The following ICE2 variants were observed in gnomAD, a reference collection of about 807,000 sequenced individuals.
The protein encoded by ICE2 is little elongation complex subunit 2.
Under a neutral mutation model 105.4 loss-of-function variants are expected in ICE2, and 87 were observed. The ratio of observed to expected loss-of-function variants is 0.83; its 90% CI spans 0.69 to 0.99. The LOEUF (loss-of-function observed/expected upper bound fraction) is 0.99. Ranked by LOEUF, ICE2 falls within the 50% of genes least tolerant of loss-of-function variation. ICE2 has a pLI of 0.00. For missense variants in ICE2, 1,323 were observed against 1,146.7 expected, an observed-to-expected ratio of 1.15 and a Z score of -2.22; for synonymous variants, 399 against 392.0, an observed-to-expected ratio of 1.02 and a Z score of -0.21.
At chr15:60,438,897 A>T (rs1262088414) in intron 12 of ICE2, 1 of 152,260 alleles carries the variant, frequency 6.6e-6, no homozygotes. Flanking sequence ...TCTCTTATAT[A>T]TCACAGTGTG....
At chr15:60,475,932 A>C (rs576614460) in intron 3 of ICE2, 131 bp downstream of exon 3, 9 of 571,974 alleles carry the variant, frequency 1.6e-5, no homozygotes, top group African/African-American at 1.3e-4. Flanking sequence ...GATAAATACC[A>C]GTGTTAAAAG....
intron 15 of ICE2, among the ~76,000 whole-genome samples, chr15:60,427,682 C>A (rs1595736466): frequency 6.6e-6 from 1 of 152,140 alleles, no homozygotes; most frequent in Admixed American, 6.5e-5. Flanking sequence ...CTCCCAAAGT[C>A]CTGGGATTAT....
intron 9 of ICE2, chr15:60,452,079 T>C (rs952734915): frequency 1.1e-5 from 11 of 985,290 alleles, no homozygotes; most frequent in Non-Finnish European, 1.3e-5. Flanking sequence ...TCATCCCTTT[T>C]AACCTACCTC....
At chr15:60,434,740 G>A (rs1053859111) in intron 13 of ICE2, among the ~76,000 whole-genome samples, 1 of 152,226 alleles carries the variant, frequency 6.6e-6, no homozygotes. Context: ...ACAGAATAGC[G>A]GTTACAAGAG....
At chr15:60,456,167 C>T (rs1027178865) in intron 6 of ICE2, among the ~76,000 whole-genome samples, 5 of 151,676 alleles carry the variant, frequency 3.3e-5, no homozygotes, top group African/African-American at 9.7e-5. Flanking sequence ...TTTCTATCCA[C>T]AGAATAAAAA....
At chr15:60,429,951 G>A (rs2063419965) in intron 14 of ICE2, among the ~76,000 whole-genome samples, 1 of 152,094 alleles carries the variant, frequency 6.6e-6, no homozygotes, top group Admixed American at 6.5e-5. Context: ...ACTCTAAGGA[G>A]GAGTATCTTA....
In ICE2 at chr15:60,448,902, A is replaced by G. The variant is rs2141060914; in HGVS notation, c.2065T>C (p.Ser689Pro). ...VSEQLSGPSDSSSWPKSGWPS... is the reference protein window; with the variant it reads ...VSEQLSGPSDPSSWPKSGWPS... ...CATCCAGATTTCGGCCAACTAGAGG[A>G]GTCTGAAGGACCAGACAATTGCTCA... is the stretch of plus-strand genomic sequence containing the variant. The change falls in exon 10 of 16, where the codon TCC becomes CCC. Residue 689 changes from serine to proline, a missense_variant. Ser to Pro is a moderately conservative substitution (Grantham distance 74). Coordinates refer to ENST00000261520, the MANE Select transcript of ICE2 (RefSeq NM_024611.6). The G allele has an allele frequency of 6.2e-7, 1 of 1,611,794 alleles. No homozygotes were observed. The highest frequency in any genetic ancestry group is 8.5e-7 in the Non-Finnish European group (1 of 1,179,332).
chr15:60,440,092 G>A (rs1211521182), intron 12 of ICE2: 1 of 152,180 alleles, frequency 6.6e-6, no homozygotes, highest in African/African-American at 2.4e-5. Context: ...TGCACACTCT[G>A]CTTTCTGTGC....
chr15:60,427,079 T>C (rs1174373200), intron 15 of ICE2, among the ~76,000 whole-genome samples: 2 of 152,114 alleles, frequency 1.3e-5, no homozygotes, highest in Non-Finnish European at 2.9e-5. Flanking sequence ...GTACAAGGAG[T>C]TCTCATTTCT....
At chr15:60,451,248 G>A in intron 9 of ICE2, 1 of 618,474 alleles carries the variant, frequency 1.6e-6, no homozygotes. Context: ...GAATATATAT[G>A]AAAGATTGAA....
chr15:60,454,754 G>C (rs2141085924), intron 8 of ICE2: 1 of 351,404 alleles, frequency 2.8e-6, no homozygotes, highest in East Asian at 4.5e-5. Flanking sequence ...TTGTTACATA[G>C]CTATACATGT....
Position 60,468,273 on chromosome 15 carries a change from G to A in ICE2, c.196C>T (p.Pro66Ser). 1 of 1,612,898 alleles carries A rather than the reference G, an allele frequency of 6.2e-7. No homozygotes were observed. The highest frequency in any genetic ancestry group is 8.5e-7 in the Non-Finnish European group (1 of 1,179,062). ...GCTTGAGTTGCTGAACTAACTGCCG[G>A]CTCATTTTCTACAGAACTTGCTGAG... is the stretch of plus-strand genomic sequence containing the variant. ...NASASSVENE[P>S]AVSSATQAKE... The change falls in exon 4 of 16, where the codon CCG becomes TCG. Residue 66 changes from proline (P) to serine (S), a missense_variant. Pro to Ser is a moderately conservative substitution (Grantham distance 74, BLOSUM62 -1). Coordinates refer to ENST00000261520, the MANE Select transcript of ICE2 (RefSeq NM_024611.6).
intron 10 of ICE2, 91 bp downstream of exon 10, chr15:60,448,757 C>T: frequency 9.2e-7 from 1 of 1,086,544 alleles, no homozygotes; most frequent in Non-Finnish European, 1.3e-6. Flanking sequence ...AATTACAAAA[C>T]AGGTTATGAC....
intron 11 of ICE2, among the ~76,000 whole-genome samples, chr15:60,447,129 A>G (rs1186102332): frequency 1.3e-5 from 2 of 152,146 alleles, no homozygotes; most frequent in African/African-American, 2.4e-5. Flanking sequence ...TTTATATCAA[A>G]CCCAAAAGAA....
chr15:60,460,514 C>T (rs2064245601), intron 5 of ICE2, among the ~76,000 whole-genome samples: 1 of 152,126 alleles, frequency 6.6e-6, no homozygotes, highest in Admixed American at 6.5e-5. Context: ...AAAATTGATC[C>T]ACATGATGGT....
Position 60,479,110 on chromosome 15 carries a change from T to C in ICE2, c.-200A>G, listed in dbSNP as rs563554382. On this transcript the variant is annotated 5_prime_UTR_variant, in exon 1 of 16. Coordinates refer to ENST00000261520, the MANE Select transcript of ICE2 (RefSeq NM_024611.6). ...CCCAAAAAAGACCATATTTAAAGGATGTGGCCGCGCCGACTCGGCCCTGCG... is the reference window on the plus strand; with the variant it reads ...CCCAAAAAAGACCATATTTAAAGGACGTGGCCGCGCCGACTCGGCCCTGCG... 138 of 429,686 alleles carry C rather than the reference T, an allele frequency of 3.2e-4. No homozygotes were observed. Among genetic ancestry groups the C allele is most frequent in the South Asian group, 7.9e-4 (50 of 62,970 alleles). 26.6% of individuals were successfully genotyped at this position (429,686 alleles called of 1,614,324 possible).
At chr15:60,436,029 A>ACTAAATAGAGTC in intron 13 of ICE2, 114 bp downstream of exon 13, 1 of 498,336 alleles carries the variant, frequency 2.0e-6, no homozygotes, top group South Asian at 3.8e-5. Flanking sequence ...AGACCTCTAT[A>ACTAAATAGAGTC]CATAAAAAGA....
chr15:60,425,355 A>G (rs1175981993), intron 15 of ICE2, among the ~76,000 whole-genome samples: 1 of 152,210 alleles, frequency 6.6e-6, no homozygotes. Flanking sequence ...GACCACACTA[A>G]TTCTATCTGT....
Position 60,477,992 on chromosome 15 carries a change from G to C in ICE2, c.-15C>G, listed in dbSNP as rs770921391. On this transcript the variant is annotated 5_prime_UTR_variant, in exon 2 of 16. Transcript: ENST00000261520. Reference sequence around the variant, plus strand: ...TTGGAGCTCATCTTCCTAGATTTCTGCTTCACTCTAGCTCACAGTTCACAG... The same window carrying C: ...TTGGAGCTCATCTTCCTAGATTTCTCCTTCACTCTAGCTCACAGTTCACAG... 1 of 1,613,286 alleles carries C rather than the reference G, an allele frequency of 6.2e-7. No individual in the cohort carries two copies. The highest frequency in any genetic ancestry group is 1.1e-5 in the South Asian group (1 of 91,064).
Sources: allele counts gnomAD v4.1 joint callset (sites outside exome capture counted in the v4.1 genomes callset), GRCh38; gene constraint gnomAD v4.1.1; transcripts MANE v1.5; gene names NCBI Gene and HGNC (gene_info 2026-07-23, HGNC 2026-07-21).